Variants in PLB1 observed in about 807,000 individuals in gnomAD.
The protein encoded by PLB1 is phospholipase B1, membrane-associated.
A neutral mutation model predicts 227.4 loss-of-function variants in PLB1; 242 were observed. That is an observed-to-expected ratio of 1.06 (90% CI 0.96 to 1.18). PLB1 has a LOEUF of 1.18. PLB1 is among the 50% of genes most tolerant of loss of function. The pLI is 0.00. For synonymous variants in PLB1, 757 were observed against 682.2 expected, an observed-to-expected ratio of 1.11 and a Z score of -1.71; for missense variants, 1,858 against 1,816.3, an observed-to-expected ratio of 1.02 and a Z score of -0.42.
chr2:28,593,670 T>C lies in PLB1; in HGVS notation c.2248-11T>C. ...GCTAATTTTCCTATGGACTCTGGTA[T>C]ATTTTCAAAGGCTGGCAATGGAATT... On this transcript the variant is annotated splice_polypyrimidine_tract_variant and intron_variant, in intron 32 of 57. Coordinates refer to ENST00000327757, the MANE Select transcript of PLB1 (RefSeq NM_153021.5). 6.2e-7 allele frequency: 1 copy of C among 1,613,684 alleles called. No individual in the cohort carries two copies. The highest frequency in any genetic ancestry group is 8.5e-7 in the Non-Finnish European group (1 of 1,179,614).
chr2:28,499,523 GTTT>G (rs112085758), intron 1 of PLB1, among the ~76,000 whole-genome samples: 1 of 136,746 alleles, frequency 7.3e-6, no homozygotes, highest in Admixed American at 7.4e-5. Context: ...CTGCACAACA[GTTT>G]TTTTTTTTTT....
chr2:28,640,949 C>T lies in PLB1; in HGVS notation c.4121C>T (p.Thr1374Ile), dbSNP rs760401853. 1 of 1,613,944 alleles carries T rather than the reference C, an allele frequency of 6.2e-7. No homozygotes were observed. The highest frequency in any genetic ancestry group is 8.5e-7 in the Non-Finnish European group (1 of 1,179,900). Residue 1374 changes from threonine (T) to isoleucine (I), a missense_variant, in exon 57 of 58, where the codon ACT becomes ATT. Physicochemically the swap from Thr to Ile is moderately conservative, Grantham distance 89. Transcript: ENST00000327757. ...CAGCTGGAACCAGTGGGCCGCAAGA[C>T]TACCTCCAACAACTTCACCCACAGC... ...NNMLEPVGRK[T>I]TSNNFTHSRA... is the part of the protein sequence containing the mutation.
chr2:28,541,209 G>C (rs1156235107), intron 12 of PLB1, among the ~76,000 whole-genome samples: 2 of 111,674 alleles, frequency 1.8e-5, no homozygotes, highest in Non-Finnish European at 3.7e-5. Flanking sequence ...AAATAAATAA[G>C]GGCGAAGGGC....
At chr2:28,502,588 C>T (rs55827947) in intron 1 of PLB1, among the ~76,000 whole-genome samples, 1 of 152,142 alleles carries the variant, frequency 6.6e-6, no homozygotes, top group Admixed American at 6.5e-5. Flanking sequence ...TCAAGTTGAT[C>T]ATGGTGTATC....
intron 4 of PLB1, among the ~76,000 whole-genome samples, chr2:28,522,048 C>T (rs781336130): frequency 6.6e-5 from 10 of 152,064 alleles, no homozygotes; most frequent in Non-Finnish European, 1.2e-4. Flanking sequence ...GACCTTGGAC[C>T]TGTCTTCTAC....
At chr2:28,642,334 AT>A (rs1558986760) in intron 57 of PLB1, among the ~76,000 whole-genome samples, 1 of 125,942 alleles carries the variant, frequency 7.9e-6, no homozygotes, top group African/African-American at 3.2e-5. Flanking sequence ...CCCAATTCAC[AT>A]TCACTGAGAG....
At chr2:28,522,402 G>T (rs572843940) in intron 4 of PLB1, among the ~76,000 whole-genome samples, 55 of 152,200 alleles carry the variant, frequency 3.6e-4, no homozygotes, top group Non-Finnish European at 7.4e-4. Flanking sequence ...TGGTCAGGGT[G>T]GGGGTGGAGG....
chr2:28,548,460 T>C (rs1460010478), intron 14 of PLB1: 1 of 435,612 alleles, frequency 2.3e-6, no homozygotes. Flanking sequence ...GACCCATTGC[T>C]AGATGTTTGG....
At chr2:28,608,798 C>G (rs1685044215) in intron 43 of PLB1, among the ~76,000 whole-genome samples, 1 of 152,106 alleles carries the variant, frequency 6.6e-6, no homozygotes, top group South Asian at 2.1e-4. Context: ...GACACTAAAT[C>G]GCCTTGATTT....
At chr2:28,548,609 T>A in intron 14 of PLB1, 1 of 568,792 alleles carries the variant, frequency 1.8e-6, no homozygotes, top group Non-Finnish European at 3.4e-6. Context: ...ATAAAACCGA[T>A]GCTGCTTCTC....
chr2:28,540,354 T>G lies in PLB1; in HGVS notation c.699-12T>G. 6.2e-7 allele frequency: 1 copy of G among 1,613,528 alleles called. No homozygotes were observed. The highest frequency in any genetic ancestry group is 8.5e-7 in the Non-Finnish European group (1 of 1,179,546). ...CTCCCCTCTCTCATTCCTGGTGTGTTTTAACCTGCAGCCCTGCACCAGAGC... is the reference window on the plus strand; with the variant it reads ...CTCCCCTCTCTCATTCCTGGTGTGTGTTAACCTGCAGCCCTGCACCAGAGC... On this transcript the variant is annotated splice_polypyrimidine_tract_variant and intron_variant, in intron 11 of 57. Coordinates refer to ENST00000327757, the MANE Select transcript of PLB1 (RefSeq NM_153021.5).
intron 56 of PLB1, among the ~76,000 whole-genome samples, chr2:28,638,747 A>G (rs1447494265): frequency 6.6e-6 from 1 of 151,384 alleles, no homozygotes; most frequent in East Asian, 1.9e-4. Context: ...GACATGGTGC[A>G]AACTGCCTTC....
chr2:28,593,320 C>G (rs1470736823), intron 32 of PLB1, among the ~76,000 whole-genome samples: 5 of 152,222 alleles, frequency 3.3e-5, no homozygotes, highest in Admixed American at 3.3e-4. Flanking sequence ...TCTCTTCATG[C>G]TCATAAAGAA....
intron 16 of PLB1, among the ~76,000 whole-genome samples, chr2:28,550,657 C>T (rs1354737250): frequency 2.0e-5 from 3 of 151,682 alleles, no homozygotes; most frequent in Non-Finnish European, 4.4e-5. Flanking sequence ...TCTCCTGCCT[C>T]AGCCTCCTGA....
At chr2:28,638,368 G>A (rs1413134842) in intron 56 of PLB1, among the ~76,000 whole-genome samples, 1 of 152,142 alleles carries the variant, frequency 6.6e-6, no homozygotes, top group Non-Finnish European at 1.5e-5. Context: ...GGAACTTAAA[G>A]GCCAATGTGA....
chr2:28,514,816 T>C (rs1374582519), intron 1 of PLB1, among the ~76,000 whole-genome samples: 3 of 152,194 alleles, frequency 2.0e-5, no homozygotes, highest in African/African-American at 7.2e-5. Context: ...CACCATTTGC[T>C]AGCAATGTCA....
chr2:28,540,304 G>A, intron 11 of PLB1, 62 bp from the exon 12 acceptor site: 1 of 1,393,766 alleles, frequency 7.2e-7, no homozygotes, highest in Admixed American at 1.7e-5. Flanking sequence ...CGGGCTGGAT[G>A]CATCCCCTTC....
intron 52 of PLB1, among the ~76,000 whole-genome samples, chr2:28,628,865 C>T (rs1190204385): frequency 1.3e-5 from 2 of 152,166 alleles, no homozygotes; most frequent in Non-Finnish European, 2.9e-5. Context: ...AGGTTTGCGC[C>T]CAGCACTGTG....
intron 1 of PLB1, among the ~76,000 whole-genome samples, chr2:28,511,988 A>AG (rs1395325552): frequency 1.5e-5 from 2 of 135,810 alleles, no homozygotes; most frequent in African/African-American, 5.5e-5. Context: ...ATGAGGTTTC[A>AG]CCATGTTGGC....
Sources: gnomAD v4.1 joint callset for allele counts (sites outside exome capture counted in the v4.1 genomes callset) on GRCh38, gnomAD v4.1.1 for gene constraint, MANE v1.5 for transcripts, NCBI Gene and HGNC (gene_info 2026-07-23, HGNC 2026-07-21) for gene names.